The following FAM163A variants were observed in gnomAD, a reference collection of about 807,000 sequenced individuals.
FAM163A encodes the protein family with sequence similarity 163 member A, also known as protein FAM163A.
A neutral mutation model predicts 12.0 loss-of-function variants in FAM163A; 7 were observed. That is an observed-to-expected ratio of 0.58 (90% confidence interval 0.33 to 1.10). FAM163A has a LOEUF of 1.10. FAM163A is among the 50% of genes least tolerant of loss of function. The pLI is 0.03. For synonymous variants in FAM163A, 101 were observed against 91.0 expected (o/e 1.11, Z -0.62); for missense variants, 202 against 218.6 (o/e 0.92, Z 0.48).
At chr1:179,801,029 A>G (rs891539928) in intron 1 of FAM163A, among the ~76,000 whole-genome samples, 1 of 152,118 alleles carries the variant, frequency 6.6e-6, no homozygotes, top group African/African-American at 2.4e-5. Context: ...TGCTGTTCTC[A>G]TGGTCACCCC....
upstream of FAM163A, among the ~76,000 whole-genome samples, chr1:179,740,289 C>T (rs778971593): frequency 3.7e-4 from 56 of 152,128 alleles, no homozygotes; most frequent in Non-Finnish European, 5.0e-4. Flanking sequence ...AGGGATCCTC[C>T]CCCTTTAGCC....
At chr1:179,753,767 G>A (rs1028975421) in intron 1 of FAM163A, among the ~76,000 whole-genome samples, 3 of 152,182 alleles carry the variant, frequency 2.0e-5, no homozygotes, top group Non-Finnish European at 4.4e-5. Flanking sequence ...TTTAGAGTGC[G>A]TGTGATGAGC....
In FAM163A at chr1:179,813,955, G is replaced by A. The variant is rs1398742823; in HGVS notation, c.270G>A (p.Val90=). 1.9e-6 allele frequency: 3 copies of A among 1,612,570 alleles called. No individual in the cohort carries two copies. The African/African-American group carries it at 4.0e-5, about 22-fold the overall frequency. Residue 90 remains valine (V), a synonymous_variant, in exon 5 of 5, where the codon GTG becomes GTA. Transcript: ENST00000341785. The part of the protein sequence containing the change: ...TSEPCSQPCG[V]AASHCTTCSP... ...AGCCCTGCAGCCAGCCCTGTGGGGTGGCCGCGAGCCACTGCACTACCTGCT... is the reference window on the plus strand; with the variant it reads ...AGCCCTGCAGCCAGCCCTGTGGGGTAGCCGCGAGCCACTGCACTACCTGCT...
At chr1:179,779,607 A>G (rs6664021) in intron 1 of FAM163A, among the ~76,000 whole-genome samples, 113,696 of 152,182 alleles carry the variant, frequency 0.75, 42,632 homozygotes, top group East Asian at 0.96. Context: ...AGGGAGCATG[A>G]TCTTGGCTTT....
intron 1 of FAM163A, among the ~76,000 whole-genome samples, chr1:179,769,234 C>T (rs1687927648): frequency 6.6e-6 from 1 of 152,150 alleles, no homozygotes; most frequent in African/African-American, 2.4e-5. Flanking sequence ...CAGCCTCAAA[C>T]TCCTGGGCTT....
At chr1:179,771,875 G>T (rs2148120100) in intron 1 of FAM163A, among the ~76,000 whole-genome samples, 1 of 152,162 alleles carries the variant, frequency 6.6e-6, no homozygotes, top group South Asian at 2.1e-4. Context: ...CAGGCTCCCT[G>T]GCACCCCTCA....
intron 1 of FAM163A, among the ~76,000 whole-genome samples, chr1:179,777,561 A>G (rs1428720192): frequency 6.6e-6 from 1 of 152,170 alleles, no homozygotes; most frequent in Non-Finnish European, 1.5e-5. Context: ...CAAGCTCCAG[A>G]TCAAGGTCAC....
intron 1 of FAM163A, among the ~76,000 whole-genome samples, chr1:179,755,492 A>T (rs1295582741): frequency 6.6e-6 from 1 of 152,178 alleles, no homozygotes; most frequent in African/African-American, 2.4e-5. Flanking sequence ...AGAATTTTTG[A>T]TGAAGGGGAA....
At chr1:179,790,757 G>T (rs1691356865) in intron 1 of FAM163A, among the ~76,000 whole-genome samples, 1 of 145,986 alleles carries the variant, frequency 6.8e-6, no homozygotes, top group Non-Finnish European at 1.5e-5. Context: ...TGTCAAGGTG[G>T]GAGAAGGCAG....
At chr1:179,775,512 T>C (rs1299180674) in intron 1 of FAM163A, among the ~76,000 whole-genome samples, 4 of 152,194 alleles carry the variant, frequency 2.6e-5, no homozygotes, top group African/African-American at 4.8e-5. Context: ...TGGCCTTAGG[T>C]TCCTTTCCTC....
Position 179,789,798 on chromosome 1 carries a change from T to TA in FAM163A, c.-135-17992dup, listed in dbSNP as rs544695888. 2.7e-3 allele frequency among the ~76,000 whole-genome samples: 409 copies of TA among 151,834 alleles called. 2 individuals are homozygous for TA. The highest frequency in any genetic ancestry group is 9.4e-3 in the African/African-American group (390 of 41,454). ...AAAGCCTTGTCCAGGGTTACACAAC[T>TA]AAAAAAAATGGTACAAACTGAATTT... On this transcript the variant is annotated intron_variant, in intron 1 of 4. Coordinates refer to ENST00000341785, the MANE Select transcript of FAM163A (RefSeq NM_173509.3).
At chr1:179,793,955 TG>T (rs1276350006) in intron 1 of FAM163A, among the ~76,000 whole-genome samples, 2 of 152,188 alleles carry the variant, frequency 1.3e-5, no homozygotes, top group Admixed American at 6.5e-5. Flanking sequence ...GTCTCATCTG[TG>T]AGTGAAGAGG....
the FAM163A span, among the ~76,000 whole-genome samples, chr1:179,729,244 G>A: frequency 4.6e-5 from 7 of 152,042 alleles, no homozygotes; most frequent in African/African-American, 1.7e-4. Context: ...TTGCCATATA[G>A]GTGTTCTATG....
At chr1:179,776,688 A>G (rs543486104) in intron 1 of FAM163A, among the ~76,000 whole-genome samples, 1 of 152,282 alleles carries the variant, frequency 6.6e-6, no homozygotes, top group East Asian at 1.9e-4. Context: ...ATGGTCTTTA[A>G]TTGGCAATAT....
At chr1:179,809,267 G>A (rs957888374) in intron 2 of FAM163A, among the ~76,000 whole-genome samples, 1 of 152,090 alleles carries the variant, frequency 6.6e-6, no homozygotes, top group African/African-American at 2.4e-5. Flanking sequence ...AACCATGTTT[G>A]TGGGGTCTTT....
At chr1:179,791,757 G>A (rs531645263) in intron 1 of FAM163A, among the ~76,000 whole-genome samples, 2 of 152,166 alleles carry the variant, frequency 1.3e-5, no homozygotes, top group Non-Finnish European at 2.9e-5. Flanking sequence ...TGTTAGGATA[G>A]CAAGATCTTG....
At chr1:179,767,258 A>G (rs971061017) in intron 1 of FAM163A, among the ~76,000 whole-genome samples, 2 of 152,118 alleles carry the variant, frequency 1.3e-5, no homozygotes, top group Non-Finnish European at 2.9e-5. Flanking sequence ...TTCGAGTCCA[A>G]TCCTGCTCAC....
At chr1:179,792,202 C>T (rs1451220642) in intron 1 of FAM163A, among the ~76,000 whole-genome samples, 1 of 152,154 alleles carries the variant, frequency 6.6e-6, no homozygotes, top group African/African-American at 2.4e-5. Flanking sequence ...TCACTGCAGC[C>T]TCAGACTTCT....
upstream of FAM163A, among the ~76,000 whole-genome samples, chr1:179,740,958 T>C (rs74132245): frequency 8.8e-3 from 1,336 of 152,186 alleles, 17 homozygotes; most frequent in African/African-American, 0.029. Flanking sequence ...TCTACAATTA[T>C]CTCAAAATGA....
Sources: allele counts gnomAD v4.1 joint callset (sites outside exome capture counted in the v4.1 genomes callset), GRCh38; gene constraint gnomAD v4.1.1; transcripts MANE v1.5; gene names NCBI Gene and HGNC (gene_info 2026-07-23, HGNC 2026-07-21).